Variants in PDSS2 observed in about 807,000 individuals in gnomAD.
PDSS2 encodes all trans-polyprenyl-diphosphate synthase PDSS2.
Under a neutral mutation model 44.5 loss-of-function variants are expected in PDSS2, and 31 were observed. The ratio of observed to expected loss-of-function variants is 0.70; its 90% CI spans 0.52 to 0.94. The LOEUF (loss-of-function observed/expected upper bound fraction) is 0.94, where lower values mean the gene tolerates loss of function less well. PDSS2 is among the 40% of genes least tolerant of loss of function. The probability of loss-of-function intolerance (pLI) is 0.00; values close to 1 mark genes in which losing one functional copy is unlikely to be tolerated. For missense variants in PDSS2, 452 were observed against 482.2 expected (o/e 0.94, Z 0.59); for synonymous variants, 157 against 180.3 (o/e 0.87, Z 1.03).
intron 7 of PDSS2, among the ~76,000 whole-genome samples, chr6:107,177,910 T>A (rs1771849644): frequency 6.6e-6 from 1 of 152,184 alleles, no homozygotes; most frequent in South Asian, 2.1e-4. Flanking sequence ...TCACATCATG[T>A]AGGAATCAAA....
chr6:107,322,282 G>T (rs1298487860), intron 2 of PDSS2, among the ~76,000 whole-genome samples: 1 of 151,286 alleles, frequency 6.6e-6, no homozygotes, highest in Admixed American at 6.6e-5. Flanking sequence ...CACTTTGGGA[G>T]GCCAAGGCAG....
chr6:107,198,032 T>C, intron 6 of PDSS2: 1 of 415,280 alleles, frequency 2.4e-6, no homozygotes, highest in African/African-American at 2.1e-5. Flanking sequence ...ATAATATTCT[T>C]TACTGATAAG....
intron 4 of PDSS2, among the ~76,000 whole-genome samples, chr6:107,238,396 CTT>C (rs1433766576): frequency 2.0e-5 from 3 of 152,150 alleles, no homozygotes; most frequent in African/African-American, 7.2e-5. Flanking sequence ...ATCGTAATGA[CTT>C]TTTTACAGTG....
chr6:107,310,973 A>G (rs1459373365), intron 2 of PDSS2, among the ~76,000 whole-genome samples: 6 of 150,580 alleles, frequency 4.0e-5, no homozygotes, highest in Non-Finnish European at 7.4e-5. Context: ...GTTGGAGTAC[A>G]GTGTTGTGAT....
chr6:107,304,447 T>C (rs960755832), intron 2 of PDSS2, among the ~76,000 whole-genome samples: 5 of 152,220 alleles, frequency 3.3e-5, no homozygotes, highest in East Asian at 1.9e-4. Flanking sequence ...TTTTTATCTA[T>C]GTATAGAGAC....
At chr6:107,200,724 T>C (rs1263996048) in intron 6 of PDSS2, among the ~76,000 whole-genome samples, 1 of 152,098 alleles carries the variant, frequency 6.6e-6, no homozygotes, top group East Asian at 1.9e-4. Flanking sequence ...TGGAGTGGAA[T>C]AGCGTGATTT....
In PDSS2 at chr6:107,425,008, G is replaced by A. The variant is rs145671239; in HGVS notation, c.296+33982C>T. Among the ~76,000 whole-genome samples, 488 of 152,238 alleles carry A rather than the reference G, an allele frequency of 3.2e-3. 1 individual carries two copies. In the Middle Eastern group the frequency reaches 0.048, roughly 15 times the overall value. ...TCTTGTGATAGTGAATGAATCTCACGAGATCTGATGGTTTTAAAAACGGGA... is the reference window on the plus strand; with the variant it reads ...TCTTGTGATAGTGAATGAATCTCACAAGATCTGATGGTTTTAAAAACGGGA... On this transcript the variant is annotated intron_variant, in intron 1 of 7. Transcript: ENST00000369037.
chr6:107,313,312 G>T (rs1195540455), intron 2 of PDSS2, among the ~76,000 whole-genome samples: 1 of 152,098 alleles, frequency 6.6e-6, no homozygotes, highest in East Asian at 1.9e-4. Flanking sequence ...TATGTTTTCA[G>T]AAATTATAAA....
intron 1 of PDSS2, among the ~76,000 whole-genome samples, chr6:107,351,143 A>G (rs1778423873): frequency 6.6e-6 from 1 of 152,346 alleles, no homozygotes; most frequent in South Asian, 2.1e-4. Context: ...AGTTCCAAAC[A>G]TTATGAAGTT....
chr6:107,210,672 T>C (rs527836948), intron 5 of PDSS2, 102 bp from the exon 6 acceptor site: 1 of 801,592 alleles, frequency 1.2e-6, no homozygotes, highest in East Asian at 2.5e-5. Flanking sequence ...AATATGAAGC[T>C]TAAGGAATGC....
chr6:107,254,302 G>C (rs1774931185), intron 3 of PDSS2, among the ~76,000 whole-genome samples: 1 of 151,730 alleles, frequency 6.6e-6, no homozygotes, highest in Non-Finnish European at 1.5e-5. Flanking sequence ...AAAGTGGTGG[G>C]ATTACAGACG....
At chr6:107,342,198 A>AG (rs1392088551) in intron 1 of PDSS2, among the ~76,000 whole-genome samples, 1 of 152,066 alleles carries the variant, frequency 6.6e-6, no homozygotes, top group Non-Finnish European at 1.5e-5. Context: ...AAAAAAAAAA[A>AG]AAAATTAAAG....
intron 6 of PDSS2, among the ~76,000 whole-genome samples, chr6:107,197,576 A>T (rs1772611546): frequency 6.6e-6 from 1 of 150,902 alleles, no homozygotes; most frequent in African/African-American, 2.4e-5. Context: ...TTGCTTGTTG[A>T]TGGGGAGAAA....
chr6:107,393,311 C>T (rs1468632870), intron 1 of PDSS2, among the ~76,000 whole-genome samples: 3 of 152,008 alleles, frequency 2.0e-5, no homozygotes, highest in Non-Finnish European at 4.4e-5. Context: ...TGGGAATTTT[C>T]CAGATATCTA....
intron 2 of PDSS2, among the ~76,000 whole-genome samples, chr6:107,302,022 T>C (rs1339328912): frequency 1.3e-5 from 2 of 151,750 alleles, no homozygotes; most frequent in East Asian, 3.9e-4. Context: ...AATTAGATAG[T>C]AATGATAGTT....
At chr6:107,275,170 G>T (rs1775736735) in intron 2 of PDSS2, among the ~76,000 whole-genome samples, 1 of 152,084 alleles carries the variant, frequency 6.6e-6, no homozygotes, top group East Asian at 1.9e-4. Flanking sequence ...TTCAGCAGAT[G>T]TTTGTTCCTT....
chr6:107,314,730 T>C (rs1747145517), intron 2 of PDSS2, among the ~76,000 whole-genome samples: 1 of 152,214 alleles, frequency 6.6e-6, no homozygotes, highest in Non-Finnish European at 1.5e-5. Context: ...TTAAAACCAT[T>C]ATGCCCTGAA....
chr6:107,412,233 C>T (rs1362990494), intron 1 of PDSS2, among the ~76,000 whole-genome samples: 2 of 73,430 alleles, frequency 2.7e-5, no homozygotes, highest in Non-Finnish European at 5.1e-5. Flanking sequence ...GTCCTTTGCT[C>T]TTTTTTTTTT....
intron 5 of PDSS2, 102 bp downstream of exon 5, chr6:107,212,007 C>A: frequency 2.1e-6 from 2 of 961,422 alleles, no homozygotes; most frequent in South Asian, 2.6e-5. Context: ...ACACAATAAG[C>A]ATTTTTGAAA....
Sources: gnomAD v4.1 joint callset for allele counts (sites outside exome capture counted in the v4.1 genomes callset) on GRCh38, gnomAD v4.1.1 for gene constraint, MANE v1.5 for transcripts, NCBI Gene and HGNC (gene_info 2026-07-23, HGNC 2026-07-21) for gene names.